Variants in PLA2G5 observed in about 807,000 individuals in gnomAD.
PLA2G5 encodes the protein phospholipase A2 group V.
A neutral mutation model predicts 15.9 loss-of-function variants in PLA2G5; 12 were observed. That is an observed-to-expected ratio of 0.76 (90% CI 0.48 to 1.23). The LOEUF (loss-of-function observed/expected upper bound fraction) is 1.23. Among genes scored for constraint, PLA2G5 ranks in the 50% most tolerant of loss-of-function variants. PLA2G5 has a pLI of 0.00. For missense variants in PLA2G5, 169 were observed against 177.1 expected (o/e 0.95, Z 0.26); for synonymous variants, 71 against 71.4 (o/e 0.99, Z 0.03).
At chr1:20,054,067 C>T (rs1209223847) in intron 1 of PLA2G5, among the ~76,000 whole-genome samples, 1 of 150,204 alleles carries the variant, frequency 6.7e-6, no homozygotes, top group Non-Finnish European at 1.5e-5. Context: ...AAGATCATAA[C>T]CCTCCACTTG....
chr1:20,086,045 T>C, intron 2 of PLA2G5, 38 bp from the exon 3 acceptor site: 1 of 1,611,840 alleles, frequency 6.2e-7, no homozygotes, highest in Non-Finnish European at 8.5e-7. Flanking sequence ...AGGGCTGGGC[T>C]GCCTGGGTGT....
intron 1 of PLA2G5, among the ~76,000 whole-genome samples, chr1:20,040,107 G>C (rs1489311282): frequency 6.6e-6 from 1 of 152,114 alleles, no homozygotes; most frequent in African/African-American, 2.4e-5. Flanking sequence ...ACAAAAAACT[G>C]TCCTTCCTAC....
chr1:20,089,670 ACATCGCGTC>A, intron 3 of PLA2G5, 110 bp from the exon 4 acceptor site: 1 of 712,822 alleles, frequency 1.4e-6, no homozygotes, highest in South Asian at 1.6e-5. Flanking sequence ...CCTCCCTGCC[ACATCGCGTC>A]CACCAAGGTG....
At chr1:20,037,300 C>A (rs879837512) in intron 1 of PLA2G5, among the ~76,000 whole-genome samples, 1 of 152,120 alleles carries the variant, frequency 6.6e-6, no homozygotes, top group African/African-American at 2.4e-5. Context: ...TTCCTGACAG[C>A]GGGACTACAG....
chr1:20,057,600 G>A (rs2014500724), intron 1 of PLA2G5, among the ~76,000 whole-genome samples: 1 of 152,184 alleles, frequency 6.6e-6, no homozygotes, highest in African/African-American at 2.4e-5. Context: ...CTGGGTTCAA[G>A]CGATTCTCCT....
intron 1 of PLA2G5, among the ~76,000 whole-genome samples, chr1:20,070,671 A>C (rs937861890): frequency 6.6e-6 from 1 of 152,176 alleles, no homozygotes; most frequent in African/African-American, 2.4e-5. Context: ...GCTTTTAAGG[A>C]GGCCAGGCCA....
At chr1:20,083,339 G>A (rs193070436) in intron 1 of PLA2G5, among the ~76,000 whole-genome samples, 1 of 151,980 alleles carries the variant, frequency 6.6e-6, no homozygotes, top group East Asian at 1.9e-4. Flanking sequence ...GTAGCCAGGA[G>A]CCCAGGGGAG....
upstream of PLA2G5, among the ~76,000 whole-genome samples, chr1:20,067,285 C>A (rs1383420437): frequency 6.6e-6 from 1 of 152,028 alleles, no homozygotes; most frequent in Non-Finnish European, 1.5e-5. Flanking sequence ...CAGGTGTGAG[C>A]CATCTCATCC....
chr1:20,053,920 A>G (rs2014305637), intron 1 of PLA2G5, among the ~76,000 whole-genome samples: 1 of 152,238 alleles, frequency 6.6e-6, no homozygotes, highest in Admixed American at 6.5e-5. Context: ...ACTAATTTAC[A>G]GTATTAGTTA....
At chr1:20,043,218 G>T (rs903180181) in intron 1 of PLA2G5, among the ~76,000 whole-genome samples, 1 of 152,208 alleles carries the variant, frequency 6.6e-6, no homozygotes, top group African/African-American at 2.4e-5. Context: ...GAGGACAAAA[G>T]AGTGTACCGG....
intron 1 of PLA2G5, among the ~76,000 whole-genome samples, chr1:20,041,191 T>C (rs1306476785): frequency 6.6e-6 from 1 of 152,196 alleles, no homozygotes; most frequent in East Asian, 1.9e-4. Flanking sequence ...TTGACGAATC[T>C]CCTATAGGTG....
chr1:20,069,439 G>A (rs2015222335), upstream of PLA2G5, among the ~76,000 whole-genome samples: 1 of 152,134 alleles, frequency 6.6e-6, no homozygotes. Flanking sequence ...TTGGAAGGCT[G>A]AGGCAGGTGG....
chr1:20,083,269 C>G (rs1298258945), intron 1 of PLA2G5, among the ~76,000 whole-genome samples: 1 of 151,906 alleles, frequency 6.6e-6, no homozygotes, highest in Non-Finnish European at 1.5e-5. Context: ...TGGACAGAAC[C>G]TTCAGGAATG....
chr1:20,078,124 G>A (rs1042233296), intron 1 of PLA2G5, among the ~76,000 whole-genome samples: 2 of 150,666 alleles, frequency 1.3e-5, no homozygotes. Context: ...CAGAGGGAGA[G>A]AGAGTTTCGA....
intron 1 of PLA2G5, among the ~76,000 whole-genome samples, chr1:20,035,615 GTGAT>G (rs2013202019): frequency 1.3e-5 from 2 of 152,144 alleles, no homozygotes; most frequent in South Asian, 4.1e-4. Flanking sequence ...GAGTCCTTAT[GTGAT>G]AGATGAGTTT....
chr1:20,051,774 G>T (rs1250811838), intron 1 of PLA2G5, among the ~76,000 whole-genome samples: 1 of 152,142 alleles, frequency 6.6e-6, no homozygotes, highest in South Asian at 2.1e-4. Context: ...GGGAAAACTG[G>T]CCTCATACCT....
chr1:20,089,984 T>C, intron 4 of PLA2G5, 89 bp downstream of exon 4: 1 of 898,368 alleles, frequency 1.1e-6, no homozygotes, highest in Middle Eastern at 2.8e-4. Context: ...TGTATCTTGT[T>C]GGGGGAGGAG....
intron 1 of PLA2G5, among the ~76,000 whole-genome samples, chr1:20,058,338 T>C (rs548005062): frequency 6.6e-6 from 1 of 152,226 alleles, no homozygotes; most frequent in Non-Finnish European, 1.5e-5. Flanking sequence ...AGGACTGTTA[T>C]GTCTTCTTGA....
chr1:20,086,344 A>G (rs1458645673), intron 3 of PLA2G5, 117 bp downstream of exon 3: 1 of 1,189,032 alleles, frequency 8.4e-7, no homozygotes, highest in Non-Finnish European at 1.2e-6. Context: ...CAAATAAGAA[A>G]ACTAAGCCTC....
Sources: gnomAD v4.1 joint callset for allele counts (sites outside exome capture counted in the v4.1 genomes callset) on GRCh38, gnomAD v4.1.1 for gene constraint, MANE v1.5 for transcripts, NCBI Gene and HGNC (gene_info 2026-07-23, HGNC 2026-07-21) for gene names.